Variants in MYOF observed in about 807,000 individuals in gnomAD.
MYOF encodes myoferlin, also known as fer-1-like 3, myoferlin.
In MYOF, 244 loss-of-function variants were observed where a neutral mutation model predicts 284.2. The observed-to-expected ratio is 0.86, with a 90% CI of 0.77 to 0.95. The LOEUF (loss-of-function observed/expected upper bound fraction) is 0.95, where lower values mean the gene tolerates loss of function less well. Ranked by LOEUF, MYOF falls within the 40% of genes least tolerant of loss-of-function variation. The probability of loss-of-function intolerance (pLI) is 0.00; values close to 1 mark genes in which losing one functional copy is unlikely to be tolerated. For missense variants in MYOF, 2,496 were observed against 2,560.6 expected (o/e 0.97, Z 0.54); for synonymous variants, 904 against 919.7 (o/e 0.98, Z 0.31).
At chr10:93,466,758 G>C (rs1216795141) in intron 1 of MYOF, among the ~76,000 whole-genome samples, 1 of 152,198 alleles carries the variant, frequency 6.6e-6, no homozygotes, top group African/African-American at 2.4e-5. Context: ...GAGATGGCTT[G>C]AGTCCAGGAG....
In MYOF at chr10:93,333,789, A is replaced by G; in HGVS notation, c.4688T>C (p.Leu1563Ser). 6.2e-7 allele frequency: 1 copy of G among 1,614,168 alleles called. No homozygotes were observed. Among genetic ancestry groups the G allele is most frequent in the Non-Finnish European group, 8.5e-7 (1 of 1,180,018 alleles). ...ATTGTTGTCCTGGGGCTGGAGCTCTAAGCCTCGAACAATGTAAATCCTAAC... is the reference window on the plus strand; with the variant it reads ...ATTGTTGTCCTGGGGCTGGAGCTCTGAGCCTCGAACAATGTAAATCCTAAC... ...CTVRIYIVRGLELQPQDNNGL... is the reference protein window; with the variant it reads ...CTVRIYIVRGSELQPQDNNGL... Residue 1563 changes from leucine to serine, a missense_variant, in exon 42 of 54, where the codon TTA becomes TCA. By Grantham distance (145) the Leu-to-Ser change is moderately radical (BLOSUM62 -2). Around this residue, in one of 3 missense-constraint regions of MYOF, gnomAD observed 2,436 missense variants for 2,480.7 expected, o/e 0.98. Transcript: ENST00000359263.
chr10:93,340,910 C>A (rs556266477), intron 38 of MYOF, among the ~76,000 whole-genome samples: 19 of 152,146 alleles, frequency 1.2e-4, no homozygotes, highest in Non-Finnish European at 2.6e-4. Flanking sequence ...AGACATGCTG[C>A]CTAGACCCCT....
chr10:93,423,868 A>G (rs142196175), intron 5 of MYOF, among the ~76,000 whole-genome samples: 67 of 151,764 alleles, frequency 4.4e-4, no homozygotes, highest in Non-Finnish European at 2.1e-4. Flanking sequence ...TCAAAAACAG[A>G]CACATAGAGA....
intron 5 of MYOF, among the ~76,000 whole-genome samples, chr10:93,423,689 T>C (rs1470981219): frequency 6.6e-6 from 1 of 151,332 alleles, no homozygotes; most frequent in Non-Finnish European, 1.5e-5. Flanking sequence ...AAAAATTAGC[T>C]GGACGTGGTG....
At chr10:93,467,650 T>G (rs1032666740) in intron 1 of MYOF, among the ~76,000 whole-genome samples, 1 of 152,140 alleles carries the variant, frequency 6.6e-6, no homozygotes, top group Non-Finnish European at 1.5e-5. Flanking sequence ...TTATAAATCA[T>G]GCTGCTATAA....
rs534020857 is a variant in MYOF, at chr10:93,397,053, C to T, written c.1334+194G>A. The T allele has an allele frequency of 5.4e-5, 26 of 482,678 alleles. 1 individual carries two copies. Among genetic ancestry groups the T allele is most frequent in the South Asian group, 2.9e-4 (8 of 27,546 alleles). 29.9% of individuals were successfully genotyped at this position (482,678 alleles called of 1,614,324 possible). Reference sequence around the variant, plus strand: ...TTCTTTTGTTTATGAGCAGTTGAACCGAAATAATCGAAGCTTTTTTTGCAG... The same window carrying T: ...TTCTTTTGTTTATGAGCAGTTGAACTGAAATAATCGAAGCTTTTTTTGCAG... On this transcript the variant is annotated intron_variant, in intron 15 of 53. Transcript: ENST00000359263.
At chr10:93,335,534 G>A (rs1333150528) in intron 41 of MYOF, among the ~76,000 whole-genome samples, 1 of 152,188 alleles carries the variant, frequency 6.6e-6, no homozygotes, top group African/African-American at 2.4e-5. Context: ...GCAGTAGGAT[G>A]AAGAGAGGAA....
At chr10:93,344,079 A>G in intron 37 of MYOF, 147 bp from the exon 38 acceptor site, 1 of 750,084 alleles carries the variant, frequency 1.3e-6, no homozygotes, top group Non-Finnish European at 2.2e-6. Flanking sequence ...ACAACTCCTG[A>G]ATGTAGAAAA....
intron 45 of MYOF, among the ~76,000 whole-genome samples, chr10:93,328,525 A>G (rs1003825954): frequency 2.0e-5 from 3 of 152,232 alleles, no homozygotes; most frequent in Non-Finnish European, 4.4e-5. Flanking sequence ...AGTACTTTGT[A>G]TAAAGCTCTA....
intron 5 of MYOF, among the ~76,000 whole-genome samples, chr10:93,411,516 A>ATTCAGACC (rs1279968674): frequency 6.6e-6 from 1 of 152,314 alleles, no homozygotes; most frequent in African/African-American, 2.4e-5. Flanking sequence ...GGACACAACC[A>ATTCAGACC]TTCAGACCAC....
chr10:93,404,786 T>C (rs1385997365), intron 7 of MYOF, among the ~76,000 whole-genome samples: 1 of 152,212 alleles, frequency 6.6e-6, no homozygotes, highest in East Asian at 1.9e-4. Context: ...GTCTAGTGAC[T>C]CTAATTTTAC....
chr10:93,455,850 A>G (rs2056732516), intron 2 of MYOF, among the ~76,000 whole-genome samples: 1 of 152,188 alleles, frequency 6.6e-6, no homozygotes, highest in South Asian at 2.1e-4. Flanking sequence ...GAAAAACACA[A>G]TGGAGCTGGC....
rs374298382 is a variant in MYOF at position 93,456,599 on chromosome 10, C to T, written c.144+283G>A. Among the ~76,000 whole-genome samples, 5 of 152,308 alleles carry T rather than the reference C, an allele frequency of 3.3e-5. No homozygotes were observed. The East Asian group carries it at 7.7e-4, about 24-fold the overall frequency. On this transcript the variant is annotated intron_variant, in intron 2 of 53. Coordinates refer to ENST00000359263, the MANE Select transcript of MYOF (RefSeq NM_013451.4). The stretch of plus-strand genomic sequence containing the variant: ...GCCCCAGATATGCAACATAAGTGGA[C>T]CAAGCTCACACAGCAAGCTCGTGGC...
At chr10:93,324,934 C>T (rs573084211) in intron 46 of MYOF, among the ~76,000 whole-genome samples, 12 of 152,096 alleles carry the variant, frequency 7.9e-5, no homozygotes, top group South Asian at 4.2e-4. Context: ...CACCCACCAC[C>T]GCGCCCAGCT....
chr10:93,476,126 T>C lies in MYOF; in HGVS notation c.88+5981A>G, dbSNP rs2057254757. On this transcript the variant is annotated intron_variant, in intron 1 of 53. Coordinates refer to ENST00000359263, the MANE Select transcript of MYOF (RefSeq NM_013451.4). ...CAGTTTGAGCTGATAGGGATCTTCT[T>C]GATGAGTCCTATGGTGCTCACTGGG... 2.0e-5 allele frequency among the ~76,000 whole-genome samples: 3 copies of C among 152,258 alleles called. No homozygotes were observed. In the South Asian group the frequency reaches 6.2e-4, roughly 32 times the overall value.
chr10:93,458,792 C>A (rs1005689762), intron 1 of MYOF, among the ~76,000 whole-genome samples: 3 of 152,228 alleles, frequency 2.0e-5, no homozygotes, highest in African/African-American at 7.2e-5. Flanking sequence ...GAGACCCAGG[C>A]AGTCTCACAT....
chr10:93,340,497 C>T lies in MYOF; in HGVS notation c.4327-333G>A, dbSNP rs574790752. Among the ~76,000 whole-genome samples, 8 of 152,298 alleles carry T rather than the reference C, an allele frequency of 5.3e-5. No individual in the cohort carries two copies. The South Asian group carries it at 1.7e-3, about 32-fold the overall frequency. ...ACATTTCCCAGTCGGGAGCACACAG[C>T]TCACACAGGAGCAGGGTGTGGAGCT... On this transcript the variant is annotated intron_variant, in intron 38 of 53. Coordinates refer to ENST00000359263, the MANE Select transcript of MYOF (RefSeq NM_013451.4).
chr10:93,443,279 TC>T (rs2056325939), intron 3 of MYOF, among the ~76,000 whole-genome samples: 1 of 152,166 alleles, frequency 6.6e-6, no homozygotes, highest in Non-Finnish European at 1.5e-5. Flanking sequence ...GGAGGCAAAA[TC>T]CTTCCCTATG....
In MYOF at chr10:93,401,529, G is replaced by T. The variant is rs201829735; in HGVS notation, c.1006C>A (p.Arg336Ser). The stretch of plus-strand genomic sequence containing the variant: ...TCCACATCATCACTGTCATTATCAC[G>T]ATCTCGTCTCTCAGGCTATTAGGGG... ...GDEPPPERRD[R>S]DNDSDDVESN... The change falls in exon 12 of 54, where the codon CGT (arginine) becomes AGT (serine). Residue 336 changes from arginine (R) to serine (S), a missense_variant. Coordinates refer to ENST00000359263, the MANE Select transcript of MYOF (RefSeq NM_013451.4). The T allele has an allele frequency of 3.3e-5, 53 of 1,613,888 alleles. No individual in the cohort carries two copies. Among genetic ancestry groups the T allele is most frequent in the Non-Finnish European group, 4.2e-5 (50 of 1,179,972 alleles).
Sources: allele counts gnomAD v4.1 joint callset (sites outside exome capture counted in the v4.1 genomes callset), GRCh38; gene constraint gnomAD v4.1.1; regional missense constraint gnomAD v4.1.1; transcripts MANE v1.5; gene names NCBI Gene and HGNC (gene_info 2026-07-23, HGNC 2026-07-21).